The following ANKFN1 variants were observed in gnomAD, a reference collection of about 807,000 sequenced individuals.
ANKFN1 encodes the protein ankyrin repeat and fibronectin type III domain containing 1, also known as ankyrin repeat and fibronectin type-III domain-containing protein 1.
ANKFN1 carries 74 observed loss-of-function variants against 108.7 expected under a neutral mutation model. The observed-to-expected ratio is 0.68, with a 90% confidence interval of 0.56 to 0.83. The LOEUF is 0.83. ANKFN1 is among the 40% of genes least tolerant of loss of function. The pLI is 0.00. For missense variants in ANKFN1, 1,505 were observed against 1,382.3 expected (o/e 1.09, Z -1.41); for synonymous variants, 547 against 516.2 (o/e 1.06, Z -0.81).
intron 1 of ANKFN1, among the ~76,000 whole-genome samples, chr17:56,165,922 A>G (rs1300517675): frequency 6.6e-6 from 1 of 152,120 alleles, no homozygotes; most frequent in East Asian, 1.9e-4. Context: ...GTCCTAGTCC[A>G]TGAGTCCTAA....
At position 56,346,370 on chromosome 17, in the gene ANKFN1, G is replaced by A. The variant is rs558797557; in HGVS notation, c.189-4396G>A. Among the ~76,000 whole-genome samples the A allele has an allele frequency of 5.3e-5, 8 of 152,040 alleles. No homozygotes were observed. The East Asian group carries it at 5.8e-4, about 11-fold the overall frequency. On this transcript the variant is annotated intron_variant, in intron 4 of 20. Coordinates refer to ENST00000682825, the MANE Select transcript of ANKFN1 (RefSeq NM_001370326.1). ...TTGCTTAGGATTGTCTTGGCTATAC[G>A]GGCTCTTTTTTGGTTCTAGATGAAA... is the stretch of plus-strand genomic sequence containing the variant.
At chr17:56,499,521 G>A (rs12450244) in intron 20 of ANKFN1, among the ~76,000 whole-genome samples, 69,168 of 151,982 alleles carry the variant, frequency 0.46, 19,408 homozygotes, top group East Asian at 0.75. Flanking sequence ...GCAGGAAACA[G>A]GCCCAAACCT....
At chr17:56,437,645 C>T (rs1653070443) in intron 8 of ANKFN1, among the ~76,000 whole-genome samples, 1 of 152,152 alleles carries the variant, frequency 6.6e-6, no homozygotes, top group African/African-American at 2.4e-5. Flanking sequence ...TTAGGTGTAA[C>T]ATTATTCTCT....
rs948733293 is a variant in ANKFN1, at chr17:56,513,423, G to A, written c.*2154G>A. Among the ~76,000 whole-genome samples, 1 of 152,164 alleles carries A rather than the reference G, an allele frequency of 6.6e-6. No individual in the cohort carries two copies. The highest frequency in any genetic ancestry group is 1.5e-5 in the Non-Finnish European group (1 of 68,032). ...ATGCCTCTTAGTTAATAACAAGAAT[G>A]GCAGAGTCATTTGCACTCAGTTTCT... is the stretch of plus-strand genomic sequence containing the variant. On this transcript the variant is annotated 3_prime_UTR_variant, in exon 21 of 21. Coordinates refer to ENST00000682825, the MANE Select transcript of ANKFN1 (RefSeq NM_001370326.1).
At chr17:56,125,750 A>G (rs1009551507) in intron 4 of ANKFN1, among the ~76,000 whole-genome samples, 8 of 152,234 alleles carry the variant, frequency 5.3e-5, no homozygotes, top group Non-Finnish European at 1.0e-4. Context: ...CACAGCACAC[A>G]CTTTGAATAC....
At chr17:56,483,465 A>G (rs1487975850) in intron 18 of ANKFN1, among the ~76,000 whole-genome samples, 1 of 152,196 alleles carries the variant, frequency 6.6e-6, no homozygotes, top group Non-Finnish European at 1.5e-5. Context: ...CTGCATCTGA[A>G]TTTATCCCTC....
At chr17:56,150,552 A>T (rs1277114868), upstream of ANKFN1, among the ~76,000 whole-genome samples, 2 of 152,332 alleles carry the variant, frequency 1.3e-5, no homozygotes, top group East Asian at 3.9e-4. Flanking sequence ...AGCAGAAGCT[A>T]GTTGGTGCCC....
intron 4 of ANKFN1, among the ~76,000 whole-genome samples, chr17:56,053,524 ATATAC>A (rs763339554): frequency 2.2e-4 from 34 of 152,296 alleles, no homozygotes; most frequent in South Asian, 6.2e-4. Flanking sequence ...CATTGTGTAT[ATATAC>A]TACATTTTCT....
intron 3 of ANKFN1, among the ~76,000 whole-genome samples, chr17:56,229,834 G>T (rs1916591583): frequency 6.6e-6 from 1 of 151,676 alleles, no homozygotes. Context: ...AGCTTGCACT[G>T]GGATTATAAA....
At chr17:56,064,673 T>A (rs1905032245) in intron 4 of ANKFN1, among the ~76,000 whole-genome samples, 1 of 152,202 alleles carries the variant, frequency 6.6e-6, no homozygotes, top group Non-Finnish European at 1.5e-5. Flanking sequence ...CATTTGTGAC[T>A]CCAAGTACTG....
chr17:56,149,367 G>C (rs762572821), upstream of ANKFN1, among the ~76,000 whole-genome samples: 12 of 152,122 alleles, frequency 7.9e-5, no homozygotes, highest in Non-Finnish European at 1.3e-4. Context: ...GGATGAGTAA[G>C]CTCTGTAGAA....
intron 2 of ANKFN1, chr17:56,224,787 T>C (rs868803262): frequency 1.3e-5 from 2 of 152,216 alleles, no homozygotes; most frequent in Admixed American, 1.3e-4. Context: ...GTATCCTCAG[T>C]GTTCAGCACA....
upstream of ANKFN1, among the ~76,000 whole-genome samples, chr17:56,150,761 C>T (rs1441581984): frequency 6.6e-6 from 1 of 152,118 alleles, no homozygotes; most frequent in Non-Finnish European, 1.5e-5. Context: ...CACCAAGACT[C>T]TCATTCCATG....
At chr17:56,096,111 A>G (rs1182681983) in intron 4 of ANKFN1, among the ~76,000 whole-genome samples, 1 of 152,236 alleles carries the variant, frequency 6.6e-6, no homozygotes, top group Admixed American at 6.5e-5. Flanking sequence ...ATTTATGGAC[A>G]GGTCCTGGCA....
At chr17:56,125,661 C>T (rs929064539) in intron 4 of ANKFN1, among the ~76,000 whole-genome samples, 3 of 152,200 alleles carry the variant, frequency 2.0e-5, no homozygotes, top group Middle Eastern at 3.2e-3. Context: ...AGGAAAGGCA[C>T]AGAGAGGCCA....
rs1910514353 is a variant in ANKFN1, at chr17:56,170,098, ATTCAC to A, written c.-71+16569_-71+16573del. ...CCCTTGTTCTAAGACTGAGGGATTC[ATTCAC>A]CTTCTTTGCTCCATCTTGAAAAACA... On this transcript the variant is annotated intron_variant, in intron 1 of 20. Transcript: ENST00000682825. 2.0e-5 allele frequency among the ~76,000 whole-genome samples: 3 copies of A among 152,290 alleles called. No homozygotes were observed. The South Asian group carries it at 6.2e-4, about 32-fold the overall frequency.
At chr17:56,263,076 C>G (rs1328329848) in intron 3 of ANKFN1, among the ~76,000 whole-genome samples, 1 of 152,128 alleles carries the variant, frequency 6.6e-6, no homozygotes, top group Admixed American at 6.5e-5. Context: ...TTCCGGAAAG[C>G]AATCAAACAA....
Position 56,511,905 on chromosome 17 carries a change from A to T in ANKFN1, c.*636A>T, listed in dbSNP as rs1029237865. 1.3e-5 allele frequency among the ~76,000 whole-genome samples: 2 copies of T among 152,062 alleles called. No individual in the cohort carries two copies. Among genetic ancestry groups the T allele is most frequent in the African/African-American group, 4.8e-5 (2 of 41,396 alleles). ...CCTTGACAGGCCTTTTTTTCTTCGT[A>T]TAGTGCTGTGTGGAGACCACCAGAA... On this transcript the variant is annotated 3_prime_UTR_variant, in exon 21 of 21. Transcript: ENST00000682825.
chr17:56,442,849 C>T lies in ANKFN1; in HGVS notation c.1015C>T (p.Gln339Ter), dbSNP rs1261480025. Reference protein sequence around the residue: ...CTITGLTMGQQYFVQVSAYNM... With the variant: ...CTITGLTMGQ The stretch of plus-strand genomic sequence containing the variant: ...TCATTTCAATACTTTGCAGGGCCAA[C>T]AGTATTTTGTTCAAGTCTCGGCTTA... Residue 339 changes from glutamine to a stop codon, truncating the protein, a stop_gained, in exon 10 of 21, where the codon CAG (glutamine) becomes TAG (stop). Transcript: ENST00000682825. LOFTEE classifies it high-confidence loss of function. The T allele has an allele frequency of 6.2e-7, 1 of 1,613,596 alleles. No homozygotes were observed. The highest frequency in any genetic ancestry group is 8.5e-7 in the Non-Finnish European group (1 of 1,179,642).
Sources: gnomAD v4.1 joint callset for allele counts (sites outside exome capture counted in the v4.1 genomes callset) on GRCh38, gnomAD v4.1.1 for gene constraint, MANE v1.5 for transcripts, NCBI Gene and HGNC (gene_info 2026-07-23, HGNC 2026-07-21) for gene names.